The following CCDC57 variants were observed in gnomAD, a reference collection of about 807,000 sequenced individuals.
CCDC57 encodes the protein coiled-coil domain containing 57, also known as coiled-coil domain-containing protein 57.
CCDC57 carries 118 observed loss-of-function variants against 118.9 expected under a neutral mutation model. That is an observed-to-expected ratio of 0.99 (90% CI 0.86 to 1.16). The LOEUF (loss-of-function observed/expected upper bound fraction) is 1.16. CCDC57 is among the 50% of genes most tolerant of loss of function. The probability of loss-of-function intolerance (pLI) is 0.00; values close to 1 mark genes in which losing one functional copy is unlikely to be tolerated. For missense variants in CCDC57, 1,300 were observed against 1,320.7 expected (o/e 0.98, Z 0.24); for synonymous variants, 527 against 532.9 (o/e 0.99, Z 0.15).
At chr17:82,204,095 T>A (rs1327108063) in intron 2 of CCDC57, among the ~76,000 whole-genome samples, 1 of 152,064 alleles carries the variant, frequency 6.6e-6, no homozygotes, top group Non-Finnish European at 1.5e-5. Flanking sequence ...CTGGGGGTCC[T>A]GAGACGGCGC....
At position 82,192,073 on chromosome 17, in the gene CCDC57, C is replaced by T. The variant is rs777827731; in HGVS notation, c.851+1683G>A. On this transcript the variant is annotated intron_variant, in intron 7 of 19. Transcript: ENST00000665763. This position sits in a 1 kb window ranked among gnomAD's most constrained non-coding sequence, Gnocchi z 4.0. ...CGGTCTCGGCTCAGTGAAACCTCCA[C>T]CTCCCAAGTTCAAGTGATTCCCCTG... Among the ~76,000 whole-genome samples the T allele has an allele frequency of 6.6e-6, 1 of 151,744 alleles. No individual in the cohort carries two copies. Among genetic ancestry groups the T allele is most frequent in the Non-Finnish European group, 1.5e-5 (1 of 67,966 alleles).
chr17:82,185,981 G>T (rs1030347459), intron 8 of CCDC57, among the ~76,000 whole-genome samples: 1 of 152,060 alleles, frequency 6.6e-6, no homozygotes, highest in African/African-American at 2.4e-5. Flanking sequence ...AGGACTATAG[G>T]TGAGCACCAC....
intron 2 of CCDC57, among the ~76,000 whole-genome samples, chr17:82,207,381 G>A (rs1038479656): frequency 4.0e-5 from 6 of 151,666 alleles, no homozygotes; most frequent in South Asian, 2.1e-4. Context: ...TAGGAGTCAT[G>A]CAGCTACAGG....
chr17:82,184,025 G>A (rs879234154), intron 8 of CCDC57, 93 bp from the exon 8 acceptor site: 259 of 388,272 alleles, frequency 6.7e-4, no homozygotes, highest in East Asian at 3.9e-3. Context: ...ATGCGCGCGC[G>A]CGCGCGCACA....
intron 13 of CCDC57, among the ~76,000 whole-genome samples, chr17:82,165,692 A>G (rs2043905807): frequency 6.6e-6 from 1 of 152,166 alleles, no homozygotes; most frequent in Non-Finnish European, 1.5e-5. Context: ...AAGACCCCTG[A>G]GGAGCTGCCG....
intron 14 of CCDC57, among the ~76,000 whole-genome samples, chr17:82,161,120 G>T (rs1000553841): frequency 3.3e-5 from 5 of 152,154 alleles, no homozygotes; most frequent in African/African-American, 1.2e-4. Flanking sequence ...GACACCAGGA[G>T]TCATCAGGAA....
intron 15 of CCDC57, chr17:82,154,799 G>A (rs1243730248): frequency 6.6e-6 from 1 of 151,524 alleles, no homozygotes; most frequent in East Asian, 1.9e-4. Context: ...CTCCTGTACA[G>A]AGCCCAGGGT....
chr17:82,184,711 C>A (rs1423702418), intron 8 of CCDC57, among the ~76,000 whole-genome samples: 1 of 152,192 alleles, frequency 6.6e-6, no homozygotes, highest in African/African-American at 2.4e-5. Context: ...CTGGCTGCCC[C>A]CACAGAGGCC....
intron 8 of CCDC57, among the ~76,000 whole-genome samples, chr17:82,187,719 C>G (rs1356023536): frequency 2.2e-5 from 1 of 45,166 alleles, no homozygotes; most frequent in Non-Finnish European, 4.0e-5. Flanking sequence ...GGGGAGCCGG[C>G]GGGGCTCGGC....
At chr17:82,202,032 C>T (rs2049054993) in intron 2 of CCDC57, 80 bp from the exon 2 acceptor site, 1 of 1,359,740 alleles carries the variant, frequency 7.4e-7, no homozygotes. Flanking sequence ...CTCACATTCC[C>T]TATCAACAGT....
intron 3 of CCDC57, among the ~76,000 whole-genome samples, chr17:82,199,335 G>A (rs1380785969): frequency 5.9e-5 from 9 of 151,680 alleles, no homozygotes; most frequent in East Asian, 3.9e-4. Context: ...AAAATTAGCC[G>A]GGCATGGTGG....
intron 13 of CCDC57, among the ~76,000 whole-genome samples, chr17:82,167,085 T>C (rs1365798244): frequency 6.6e-6 from 1 of 151,960 alleles, no homozygotes; most frequent in Non-Finnish European, 1.5e-5. Context: ...ACTGTCCAAT[T>C]TGAACAAGAG....
At chr17:82,170,885 G>A (rs1599119531) in intron 13 of CCDC57, among the ~76,000 whole-genome samples, 1 of 152,230 alleles carries the variant, frequency 6.6e-6, no homozygotes, top group African/African-American at 2.4e-5. Context: ...CGCTGACCAC[G>A]TAAGTGTTGG....
At chr17:82,130,594 C>T (rs2038204374) in intron 17 of CCDC57, among the ~76,000 whole-genome samples, 1 of 150,654 alleles carries the variant, frequency 6.6e-6, no homozygotes, top group African/African-American at 2.5e-5. Flanking sequence ...CCTCCACCTC[C>T]TGGGTTCAAG....
intron 19 of CCDC57, chr17:82,126,280 C>T: frequency 1.6e-6 from 1 of 609,022 alleles, no homozygotes; most frequent in South Asian, 7.5e-5. Context: ...AACTCCATCT[C>T]AAAGGAAAAA....
Position 82,114,890 on chromosome 17 carries a change from C to T in CCDC57, c.2899+12802G>A, listed in dbSNP as rs118136299. Among the ~76,000 whole-genome samples, 13 of 152,358 alleles carry T rather than the reference C, an allele frequency of 8.5e-5. No homozygotes were observed. The East Asian group carries it at 2.1e-3, about 25-fold the overall frequency. On this transcript the variant is annotated intron_variant, in intron 19 of 19. Transcript: ENST00000665763. ...TTATATATAAAAAGAACAGGATTTC[C>T]AGCCTCTCTCAGAAAAATGGGAAGA...
chr17:82,134,554 G>C (rs983248100), intron 16 of CCDC57, among the ~76,000 whole-genome samples: 1 of 152,180 alleles, frequency 6.6e-6, no homozygotes, highest in Admixed American at 6.5e-5. Flanking sequence ...AGCACTTTGG[G>C]AGGCTGAGGC....
At chr17:82,202,283 ATG>A (rs1217374652) in intron 2 of CCDC57, among the ~76,000 whole-genome samples, 2 of 152,212 alleles carry the variant, frequency 1.3e-5, no homozygotes, top group African/African-American at 4.8e-5. Context: ...CCTGGCTAAC[ATG>A]GTGAAACCCC....
intron 19 of CCDC57, among the ~76,000 whole-genome samples, chr17:82,122,357 G>C (rs1343096771): frequency 2.1e-5 from 2 of 96,030 alleles, no homozygotes; most frequent in Admixed American, 2.0e-4. Context: ...CCCTTTGCAA[G>C]GGCGTCTGTC....
Sources: gnomAD v4.1 joint callset for allele counts (sites outside exome capture counted in the v4.1 genomes callset) on GRCh38, gnomAD v4.1.1 for gene constraint, Gnocchi (gnomAD v3.1) non-coding constraint, MANE v1.5 for transcripts, NCBI Gene and HGNC (gene_info 2026-07-23, HGNC 2026-07-21) for gene names.